Variants in PTPRD observed in about 807,000 individuals in gnomAD.
PTPRD encodes receptor-type tyrosine-protein phosphatase delta.
Under a neutral mutation model 214.5 loss-of-function variants are expected in PTPRD, and 34 were observed. That is an observed-to-expected ratio of 0.16 (90% CI 0.12 to 0.21). The LOEUF is 0.21. Ranked by LOEUF, PTPRD falls within the 10% of genes least tolerant of loss-of-function variation. PTPRD has a pLI of 1.00. For missense variants in PTPRD, 2,545 were observed against 2,398.7 expected (o/e 1.06, Z -1.27); for synonymous variants, 1,128 against 845.7 (o/e 1.33, Z -5.79).
intron 11 of PTPRD, among the ~76,000 whole-genome samples, chr9:8,867,572 G>A (rs962542412): frequency 1.3e-5 from 2 of 152,012 alleles, no homozygotes; most frequent in Non-Finnish European, 2.9e-5. Flanking sequence ...TGCACCCACC[G>A]TTCTCTTAAA....
intron 2 of PTPRD, among the ~76,000 whole-genome samples, chr9:10,385,162 G>T (rs754409823): frequency 1.3e-5 from 2 of 151,622 alleles, no homozygotes; most frequent in Non-Finnish European, 2.9e-5. Flanking sequence ...TTTCCAAAAA[G>T]TTTATTACTC....
intron 7 of PTPRD, among the ~76,000 whole-genome samples, chr9:9,731,717 C>A (rs1480273565): frequency 6.6e-6 from 1 of 152,078 alleles, no homozygotes; most frequent in Non-Finnish European, 1.5e-5. Context: ...GGACAAAAAA[C>A]CGAACACCGC....
chr9:10,157,209 G>T (rs914164068), intron 3 of PTPRD, among the ~76,000 whole-genome samples: 1 of 151,952 alleles, frequency 6.6e-6, no homozygotes, highest in Non-Finnish European at 1.5e-5. Flanking sequence ...CATTTTTTGG[G>T]GGTTGCTTTT....
chr9:8,444,545 G>C (rs1193906494), intron 34 of PTPRD, among the ~76,000 whole-genome samples: 1 of 151,172 alleles, frequency 6.6e-6, no homozygotes, highest in East Asian at 1.9e-4. Flanking sequence ...AAATAAAAAA[G>C]AAAAAAAAGT....
chr9:10,449,556 G>C (rs2098824271), intron 2 of PTPRD, among the ~76,000 whole-genome samples: 1 of 151,422 alleles, frequency 6.6e-6, no homozygotes, highest in Non-Finnish European at 1.5e-5. Flanking sequence ...GAAGTGAGGA[G>C]CGTCTCTGCC....
At chr9:9,740,488 G>A (rs966023687) in intron 6 of PTPRD, among the ~76,000 whole-genome samples, 14 of 151,266 alleles carry the variant, frequency 9.3e-5, no homozygotes, top group African/African-American at 3.4e-4. Context: ...CTCCCGAGTA[G>A]CTGGGACTAT....
chr9:8,859,551 C>T (rs1401262938), intron 11 of PTPRD, among the ~76,000 whole-genome samples: 2 of 152,194 alleles, frequency 1.3e-5, no homozygotes, highest in Middle Eastern at 3.2e-3. Context: ...CACATACACA[C>T]AATACTTATC....
intron 10 of PTPRD, among the ~76,000 whole-genome samples, chr9:9,166,820 A>C (rs2099905181): frequency 6.6e-6 from 1 of 152,116 alleles, no homozygotes; most frequent in South Asian, 2.1e-4. Context: ...CTTCCAAAAA[A>C]CTCCAAAAAA....
At chr9:8,557,977 G>T (rs903918561) in intron 14 of PTPRD, among the ~76,000 whole-genome samples, 2 of 151,608 alleles carry the variant, frequency 1.3e-5, no homozygotes, top group African/African-American at 4.8e-5. Flanking sequence ...TAAATTTAGA[G>T]AACGCTTTAT....
At chr9:9,931,633 G>C (rs143716076) in intron 5 of PTPRD, among the ~76,000 whole-genome samples, 5 of 151,444 alleles carry the variant, frequency 3.3e-5, no homozygotes, top group South Asian at 4.2e-4. Flanking sequence ...ACTGCAAGAC[G>C]GCAACGAGGC....
At chr9:10,009,558 G>T (rs1179992833) in intron 4 of PTPRD, among the ~76,000 whole-genome samples, 2 of 151,858 alleles carry the variant, frequency 1.3e-5, no homozygotes, top group East Asian at 1.9e-4. Flanking sequence ...GGAGACCAAG[G>T]TTCTCATTAT....
rs79555345 is a variant in PTPRD at position 9,439,736 on chromosome 9, C to G, written c.-236-42254G>C. Among the ~76,000 whole-genome samples, 1,522 of 152,330 alleles carry G rather than the reference C, an allele frequency of 1.0e-2. 56 individuals are homozygous for G. In the East Asian group the frequency reaches 0.14, roughly 14 times the overall value. On this transcript the variant is annotated intron_variant, in intron 8 of 45. Transcript: ENST00000381196. ...TACCTTCACTACCTAAAGACTATCA[C>G]TGTGAAGACGAAGAGCATTAATGGT...
chr9:8,446,405 A>G (rs1244234785), intron 34 of PTPRD, among the ~76,000 whole-genome samples: 1 of 152,206 alleles, frequency 6.6e-6, no homozygotes, highest in Admixed American at 6.5e-5. Context: ...AGAATCACTG[A>G]ACTAAGCAAT....
chr9:10,228,134 A>G (rs1413553386), intron 3 of PTPRD, among the ~76,000 whole-genome samples: 3 of 129,590 alleles, frequency 2.3e-5, no homozygotes, highest in Non-Finnish European at 5.2e-5. Flanking sequence ...GAAAATATCC[A>G]AAGTTCTAGA....
In PTPRD at chr9:8,331,726, G is replaced by A. The variant is rs1436531732; in HGVS notation, c.5390C>T (p.Ser1797Phe). 3 of 1,600,100 alleles carry A rather than the reference G, an allele frequency of 1.9e-6. No individual in the cohort carries two copies. Among genetic ancestry groups the A allele is most frequent in the Non-Finnish European group, 2.6e-6 (3 of 1,173,944 alleles). The change falls in exon 44 of 46, where the codon TCC becomes TTC. Residue 1797 changes from serine to phenylalanine, a missense_variant. Coordinates refer to ENST00000381196, the MANE Select transcript of PTPRD (RefSeq NM_002839.4). ...GAACTGGAACTGCCTTACTGTTCGG[G>A]ACTGGCCGTCCTTTAGAAGGAAAGC... Reference protein sequence around the residue: ...FKVTDARDGQSRTVRQFQFTD... With the variant: ...FKVTDARDGQFRTVRQFQFTD...
At chr9:9,399,910 T>G (rs772696723) in intron 8 of PTPRD, among the ~76,000 whole-genome samples, 9 of 152,062 alleles carry the variant, frequency 5.9e-5, no homozygotes, top group Non-Finnish European at 1.3e-4. Context: ...GGGTATGTCC[T>G]TTATTAGCAG....
In PTPRD at chr9:9,140,588, TA is replaced by T. The variant is rs1204027801; in HGVS notation, c.-143+42715del. Among the ~76,000 whole-genome samples, 65 of 152,162 alleles carry T rather than the reference TA, an allele frequency of 4.3e-4. 2 individuals carry two copies. The highest frequency in any genetic ancestry group is 2.9e-5 in the Non-Finnish European group (2 of 68,026). The stretch of plus-strand genomic sequence containing the variant: ...ACAGAAACAGTGCTACATCTTTTTT[TA>T]TTTTTTTGAGACGGAGTCTCGCTCT... On this transcript the variant is annotated intron_variant, in intron 10 of 45. Coordinates refer to ENST00000381196, the MANE Select transcript of PTPRD (RefSeq NM_002839.4).
chr9:9,865,288 G>A lies in PTPRD; in HGVS notation c.-368+73219C>T, dbSNP rs529297127. Among the ~76,000 whole-genome samples the A allele has an allele frequency of 4.6e-5, 7 of 152,236 alleles. No individual in the cohort carries two copies. In the South Asian group the frequency reaches 1.2e-3, roughly 27 times the overall value. On this transcript the variant is annotated intron_variant, in intron 5 of 45. Coordinates refer to ENST00000381196, the MANE Select transcript of PTPRD (RefSeq NM_002839.4). ...TTGAAACTTAGTTCCCAATGTGGCAGTATTGAGAGGCGGAGGCTTTAAGAA... is the reference window on the plus strand; with the variant it reads ...TTGAAACTTAGTTCCCAATGTGGCAATATTGAGAGGCGGAGGCTTTAAGAA...
At chr9:8,641,767 C>A (rs1232342160) in intron 12 of PTPRD, among the ~76,000 whole-genome samples, 2 of 152,202 alleles carry the variant, frequency 1.3e-5, no homozygotes, top group Non-Finnish European at 2.9e-5. Flanking sequence ...AAACTGCGCA[C>A]TGATTTTTGC....
Sources: allele counts gnomAD v4.1 joint callset (sites outside exome capture counted in the v4.1 genomes callset), GRCh38; gene constraint gnomAD v4.1.1; transcripts MANE v1.5; gene names NCBI Gene and HGNC (gene_info 2026-07-23, HGNC 2026-07-21).